Variants in PTPRS observed in about 807,000 individuals in gnomAD.
PTPRS encodes the protein protein tyrosine phosphatase receptor type S.
In PTPRS, 63 loss-of-function variants were observed where a neutral mutation model predicts 215.3. That is an observed-to-expected ratio of 0.29 (90% CI 0.24 to 0.36). The LOEUF is 0.36. Ranked by LOEUF, PTPRS falls within the 10% of genes least tolerant of loss-of-function variation. The probability of loss-of-function intolerance (pLI) is 1.00; values close to 1 mark genes in which losing one functional copy is unlikely to be tolerated. For missense variants in PTPRS, 2,258 were observed against 2,825.8 expected, an observed-to-expected ratio of 0.80 and a Z score of 4.56; for synonymous variants, 1,404 against 1,191.4, an observed-to-expected ratio of 1.18 and a Z score of -3.68.
Position 5,222,421 on chromosome 19 carries a change from C to T in PTPRS, c.3104-201G>A, listed in dbSNP as rs555321946. Among the ~76,000 whole-genome samples, 8 of 120,208 alleles carry T rather than the reference C, an allele frequency of 6.7e-5. No homozygotes were observed. In the South Asian group the frequency reaches 1.2e-3, roughly 18 times the overall value. 78.9% of individuals were successfully genotyped at this position (120,208 alleles called of 152,430 possible). A position where few individuals can be genotyped will look rare whatever the true frequency, so the allele number is the denominator to read the frequency against. The stretch of plus-strand genomic sequence containing the variant: ...CAAGTCCCTGCTTCGGGAGACGGCA[C>T]GGGTGCAGAGGCTGCAGAAAGAAGG... On this transcript the variant is annotated intron_variant, in intron 18 of 37. Coordinates refer to ENST00000262963, the MANE Select transcript of PTPRS (RefSeq NM_002850.4).
At chr19:5,233,506 G>A (rs868556786) in intron 13 of PTPRS, among the ~76,000 whole-genome samples, 2 of 150,674 alleles carry the variant, frequency 1.3e-5, no homozygotes, top group South Asian at 4.2e-4. Context: ...CAGCACCAAG[G>A]GCTTCACAAA....
In PTPRS at chr19:5,212,359, C is replaced by A; in HGVS notation, c.4747G>T (p.Gly1583Cys). Residue 1583 changes from glycine to cysteine, a missense_variant, in exon 31 of 38, where the codon GGC becomes TGC. By Grantham distance (159) the Gly-to-Cys change is radical. Around this residue, in one of 6 missense-constraint regions of PTPRS, gnomAD observed 927 missense variants for 1,125.9 expected, o/e 0.82. Coordinates refer to ENST00000262963, the MANE Select transcript of PTPRS (RefSeq NM_002850.4). ...RVKTCNPPDAGPIVVHCSAGV... is the reference protein window; with the variant it reads ...RVKTCNPPDACPIVVHCSAGV... The stretch of plus-strand genomic sequence containing the variant: ...TACCTGCAGTGAACCACGATGGGGC[C>A]GGCATCTGGCGGGTTGCAGGTCTTG... 1 of 1,611,490 alleles carries A rather than the reference C, an allele frequency of 6.2e-7. No homozygotes were observed. Among genetic ancestry groups the A allele is most frequent in the Non-Finnish European group, 8.5e-7 (1 of 1,178,900 alleles).
At chr19:5,216,001 C>T (rs537140391) in intron 26 of PTPRS, among the ~76,000 whole-genome samples, 9 of 152,262 alleles carry the variant, frequency 5.9e-5, no homozygotes, top group East Asian at 1.9e-4. Flanking sequence ...CAGACGCAGC[C>T]GGCTGTGCTT....
intron 1 of PTPRS, among the ~76,000 whole-genome samples, chr19:5,313,136 C>CA (rs1180097441): frequency 6.6e-6 from 1 of 152,196 alleles, no homozygotes; most frequent in Non-Finnish European, 1.5e-5. Flanking sequence ...AGGCTGGTCT[C>CA]AAACTCCTGG....
chr19:5,234,458 G>A (rs565083412), intron 13 of PTPRS, among the ~76,000 whole-genome samples: 1 of 152,282 alleles, frequency 6.6e-6, no homozygotes. Flanking sequence ...CAGCACTTCT[G>A]TGTTCAGTCC....
rs372226485 is a variant in PTPRS at position 5,212,370 on chromosome 19, G to C, written c.4736C>G (p.Pro1579Arg). ...AFLRRVKTCNPPDAGPIVVHC... is the reference protein window; with the variant it reads ...AFLRRVKTCNRPDAGPIVVHC... ...AACCACGATGGGGCCGGCATCTGGCGGGTTGCAGGTCTTGACTCTCCGCAG... is the reference window on the plus strand; with the variant it reads ...AACCACGATGGGGCCGGCATCTGGCCGGTTGCAGGTCTTGACTCTCCGCAG... Residue 1579 changes from proline (P) to arginine (R), a missense_variant, in exon 31 of 38, where the codon CCG (proline) becomes CGG (arginine). By Grantham distance (103) the Pro-to-Arg change is moderately radical. Transcript: ENST00000262963. 3 of 1,610,122 alleles carry C rather than the reference G, an allele frequency of 1.9e-6. No homozygotes were observed. The highest frequency in any genetic ancestry group is 8.5e-7 in the Non-Finnish European group (1 of 1,178,246).
Position 5,215,613 on chromosome 19 carries a change from C to A in PTPRS, c.4097-18G>T. The A allele has an allele frequency of 2.5e-6, 4 of 1,574,644 alleles. No homozygotes were observed. Among genetic ancestry groups the A allele is most frequent in the African/African-American group, 1.3e-5 (1 of 74,318 alleles). On this transcript the variant is annotated intron_variant, in intron 26 of 37. Coordinates refer to ENST00000262963, the MANE Select transcript of PTPRS (RefSeq NM_002850.4). ...AAGCATGCCTACAGGGTGGAGCAGA[C>A]CCCGCCGGGGTTGGTCACTTGGGGG...
At chr19:5,271,207 C>G (rs1264875462) in intron 4 of PTPRS, among the ~76,000 whole-genome samples, 3 of 152,162 alleles carry the variant, frequency 2.0e-5, no homozygotes, top group Non-Finnish European at 4.4e-5. Context: ...GTGGAACCCA[C>G]TCACCTGAGG....
chr19:5,239,188 A>C, intron 12 of PTPRS, 125 bp from the exon 13 acceptor site: 1 of 690,436 alleles, frequency 1.4e-6, no homozygotes, highest in Non-Finnish European at 2.4e-6. Flanking sequence ...AGAGAGAGAG[A>C]CAGAGAAATA....
intron 1 of PTPRS, among the ~76,000 whole-genome samples, chr19:5,329,591 C>G (rs1017637352): frequency 1.3e-5 from 2 of 151,858 alleles, no homozygotes; most frequent in African/African-American, 4.8e-5. Flanking sequence ...CAGTGAAACT[C>G]TGTCTCTACT....
At chr19:5,324,226 CAAA>C (rs55793961) in intron 1 of PTPRS, among the ~76,000 whole-genome samples, 18,119 of 73,058 alleles carry the variant, frequency 0.25, 1,100 homozygotes, top group Admixed American at 0.34. Flanking sequence ...AACCCTGCCT[CAAA>C]AAAAAAAAAA....
At chr19:5,259,641 G>A (rs954657501) in intron 7 of PTPRS, among the ~76,000 whole-genome samples, 20 of 152,160 alleles carry the variant, frequency 1.3e-4, no homozygotes, top group African/African-American at 4.3e-4. Context: ...TGAATCACAG[G>A]CCTGGACCCA....
intron 1 of PTPRS, among the ~76,000 whole-genome samples, chr19:5,302,338 T>G (rs1245015830): frequency 2.6e-5 from 4 of 152,116 alleles, no homozygotes; most frequent in Non-Finnish European, 5.9e-5. Context: ...AAACACCAGC[T>G]TGGGTGACAG....
intron 37 of PTPRS, 85 bp from the exon 38 acceptor site, chr19:5,206,927 C>A: frequency 8.0e-7 from 1 of 1,253,444 alleles, no homozygotes; most frequent in Non-Finnish European, 1.2e-6. Context: ...GCAGGCCAAG[C>A]TCCTCAGCCT....
chr19:5,236,859 A>C (rs1568444264), intron 13 of PTPRS, among the ~76,000 whole-genome samples: 1 of 151,508 alleles, frequency 6.6e-6, no homozygotes, highest in East Asian at 1.9e-4. Context: ...GAAAAAAAAA[A>C]AAAAAACAAC....
intron 1 of PTPRS, among the ~76,000 whole-genome samples, chr19:5,329,055 A>C (rs531603465): frequency 6.6e-6 from 1 of 152,250 alleles, no homozygotes; most frequent in Non-Finnish European, 1.5e-5. Flanking sequence ...CTTAGGTCCT[A>C]AAGGGGTTGC....
At chr19:5,268,125 G>A (rs571035829) in intron 4 of PTPRS, among the ~76,000 whole-genome samples, 5 of 151,072 alleles carry the variant, frequency 3.3e-5, no homozygotes, top group African/African-American at 2.4e-5. Context: ...AGCAGAGATC[G>A]CGCCACTGCA....
At chr19:5,298,546 C>T (rs1468575431) in intron 1 of PTPRS, among the ~76,000 whole-genome samples, 3 of 152,188 alleles carry the variant, frequency 2.0e-5, no homozygotes, top group Admixed American at 6.5e-5. Context: ...CCTGGTCTTG[C>T]CCATGCCCAA....
rs145943142 is a variant in PTPRS at position 5,208,460 on chromosome 19, C to T, written c.5488-69G>A. The T allele has an allele frequency of 4.9e-3, 6,635 of 1,344,018 alleles. 27 individuals carry two copies. The highest frequency in any genetic ancestry group is 6.0e-3 in the Non-Finnish European group (6,000 of 1,008,324). The allele number at this position is 1,344,018 out of a possible 1,614,324, so 83.3% of individuals were successfully genotyped here. A position where few individuals can be genotyped will look rare whatever the true frequency, so the allele number is the denominator to read the frequency against. On this transcript the variant is annotated intron_variant, in intron 35 of 37. Transcript: ENST00000262963. ...CCATGGGGGTTTTTCTCCATCCTCC[C>T]TATCTTCACCCCCATTTTTTGTTTG...
Sources: gnomAD v4.1 joint callset for allele counts (sites outside exome capture counted in the v4.1 genomes callset) on GRCh38, gnomAD v4.1.1 for gene constraint, gnomAD v4.1.1 regional missense constraint, MANE v1.5 for transcripts, NCBI Gene and HGNC (gene_info 2026-07-23, HGNC 2026-07-21) for gene names.